The following KITLG variants were observed in gnomAD, a reference collection of about 807,000 sequenced individuals.
The protein encoded by KITLG is KIT ligand.
Under a neutral mutation model 34.1 loss-of-function variants are expected in KITLG, and 13 were observed. The ratio of observed to expected loss-of-function variants is 0.38; its 90% confidence interval spans 0.25 to 0.61. KITLG has a LOEUF of 0.61. Among genes scored for constraint, KITLG ranks in the 20% least tolerant of loss-of-function variants. The pLI, the probability that KITLG is intolerant of heterozygous loss-of-function variation, is 0.60. For missense variants in KITLG, 292 were observed against 318.9 expected (o/e 0.92, Z 0.64); for synonymous variants, 110 against 104.0 (o/e 1.06, Z -0.35).
intron 3 of KITLG, among the ~76,000 whole-genome samples, chr12:88,528,574 T>C (rs1869964981): frequency 6.6e-6 from 1 of 152,192 alleles, no homozygotes; most frequent in South Asian, 2.1e-4. Flanking sequence ...TATTGTAAAA[T>C]GTGTTGAAGT....
At chr12:88,509,297 G>A (rs57817028) in intron 6 of KITLG, among the ~76,000 whole-genome samples, 1 of 152,096 alleles carries the variant, frequency 6.6e-6, no homozygotes, top group Admixed American at 6.5e-5. Context: ...CCAAACCTAA[G>A]TCTTGAAATT....
In KITLG at chr12:88,511,989, A is replaced by G. The variant is rs149802322; in HGVS notation, c.604+3545T>C. On this transcript the variant is annotated intron_variant, in intron 6 of 9. Coordinates refer to ENST00000644744, the MANE Select transcript of KITLG (RefSeq NM_000899.5). ...AGATATTCAACAGCATAGAATTCAT[A>G]ATATCCAGCATATATTAAACAATCA... Among the ~76,000 whole-genome samples, 205 of 152,312 alleles carry G rather than the reference A, an allele frequency of 1.3e-3. 2 individuals are homozygous for G. In the East Asian group the frequency reaches 0.032, roughly 24 times the overall value.
At position 88,516,324 on chromosome 12, in the gene KITLG, C is replaced by T; in HGVS notation, c.520+10G>A. On this transcript the variant is annotated intron_variant, in intron 5 of 9. Transcript: ENST00000644744. ...TTTACATTTGAACTGGAAATGCTTA[C>T]ATGTCTTACCTTTCTCAGGACTTAA... is the stretch of plus-strand genomic sequence containing the variant. 1 of 1,607,882 alleles carries T rather than the reference C, an allele frequency of 6.2e-7. No individual in the cohort carries two copies. Among genetic ancestry groups the T allele is most frequent in the Non-Finnish European group, 8.5e-7 (1 of 1,175,472 alleles).
chr12:88,569,834 G>A (rs544575597), intron 1 of KITLG, among the ~76,000 whole-genome samples: 2 of 152,110 alleles, frequency 1.3e-5, no homozygotes, highest in Non-Finnish European at 2.9e-5. Flanking sequence ...CTGCTGATAA[G>A]GTTGTGCTGA....
At chr12:88,527,078 C>T (rs945011251) in intron 3 of KITLG, among the ~76,000 whole-genome samples, 3 of 151,904 alleles carry the variant, frequency 2.0e-5, no homozygotes, top group Admixed American at 6.6e-5. Context: ...CTGTGTTAAC[C>T]AGGATGGTCT....
intron 1 of KITLG, among the ~76,000 whole-genome samples, chr12:88,555,372 G>A (rs977045602): frequency 1.1e-4 from 17 of 152,176 alleles, no homozygotes; most frequent in African/African-American, 4.1e-4. Flanking sequence ...CTCTGCAGGT[G>A]AGCAAAACAC....
At chr12:88,575,937 C>T (rs997270984) in intron 1 of KITLG, among the ~76,000 whole-genome samples, 9 of 152,056 alleles carry the variant, frequency 5.9e-5, no homozygotes, top group East Asian at 3.8e-4. Flanking sequence ...TGTCACTGCA[C>T]GTTGCCTGGT....
chr12:88,560,731 A>C (rs1052795591), intron 1 of KITLG, among the ~76,000 whole-genome samples: 4 of 152,282 alleles, frequency 2.6e-5, no homozygotes, highest in African/African-American at 7.2e-5. Flanking sequence ...GCACTTTGGG[A>C]GGCTGAGGCG....
chr12:88,554,734 C>G (rs905332367), intron 1 of KITLG, among the ~76,000 whole-genome samples: 4 of 152,222 alleles, frequency 2.6e-5, no homozygotes, highest in African/African-American at 9.6e-5. Flanking sequence ...CTTCTTTTTT[C>G]AGATCTTTTT....
At chr12:88,498,996 C>A (rs921684883) in intron 9 of KITLG, among the ~76,000 whole-genome samples, 10 of 152,164 alleles carry the variant, frequency 6.6e-5, no homozygotes, top group African/African-American at 2.2e-4. Context: ...AGACTGGCAC[C>A]TGTTTTCCCA....
At chr12:88,499,629 A>G (rs754679090) in intron 9 of KITLG, among the ~76,000 whole-genome samples, 9 of 152,108 alleles carry the variant, frequency 5.9e-5, no homozygotes, top group Non-Finnish European at 1.0e-4. Flanking sequence ...GTTAGTTTCA[A>G]TAATATTTAC....
intron 6 of KITLG, among the ~76,000 whole-genome samples, chr12:88,508,816 G>T (rs555226096): frequency 9.9e-4 from 150 of 152,190 alleles, no homozygotes; most frequent in African/African-American, 3.4e-3. Flanking sequence ...ATGGGATTTG[G>T]TATAATTAAA....
chr12:88,560,968 A>C (rs1871278439), intron 1 of KITLG, among the ~76,000 whole-genome samples: 1 of 22,248 alleles, frequency 4.5e-5, no homozygotes, highest in East Asian at 1.9e-3. Flanking sequence ...ACTCTGTCTC[A>C]AAAAAAAAAA....
rs1029173830 is a variant in KITLG, at chr12:88,532,565, T to C, written c.130-62A>G. On this transcript the variant is annotated intron_variant, in intron 2 of 9. Coordinates refer to ENST00000644744, the MANE Select transcript of KITLG (RefSeq NM_000899.5). ...CTTATACATCAATTAATCATATTTG[T>C]AGTGCTTTGGAGAAAAGCACACAAA... The C allele has an allele frequency of 5.2e-6, 6 of 1,147,142 alleles. No individual in the cohort carries two copies. In the East Asian group the frequency reaches 1.4e-4, roughly 27 times the overall value. 71.1% of individuals were successfully genotyped at this position (1,147,142 alleles called of 1,614,324 possible).
At chr12:88,529,242 A>G (rs555514994) in intron 3 of KITLG, among the ~76,000 whole-genome samples, 1 of 152,322 alleles carries the variant, frequency 6.6e-6, no homozygotes, top group South Asian at 2.1e-4. Flanking sequence ...GTTCAAGTGA[A>G]TGAAGGTGTG....
intron 3 of KITLG, among the ~76,000 whole-genome samples, chr12:88,530,194 A>T (rs1450881275): frequency 6.6e-6 from 1 of 152,126 alleles, no homozygotes; most frequent in African/African-American, 2.4e-5. Context: ...GTGGGTCTTT[A>T]TTACCTAGAG....
chr12:88,569,077 A>G (rs186708561), intron 1 of KITLG, among the ~76,000 whole-genome samples: 3 of 152,266 alleles, frequency 2.0e-5, no homozygotes, highest in Admixed American at 1.3e-4. Flanking sequence ...GACTTCACTC[A>G]TATAGGGAAA....
chr12:88,544,533 C>T (rs376929345), intron 2 of KITLG, among the ~76,000 whole-genome samples: 1 of 151,912 alleles, frequency 6.6e-6, no homozygotes, highest in Non-Finnish European at 1.5e-5. Flanking sequence ...AGTACTCCCC[C>T]CTCACCCCCA....
chr12:88,528,822 AAT>A (rs1444463716), intron 3 of KITLG, among the ~76,000 whole-genome samples: 2 of 152,226 alleles, frequency 1.3e-5, no homozygotes, highest in Non-Finnish European at 2.9e-5. Flanking sequence ...GTGTTCTTTA[AAT>A]ATTCTTGCAA....
Sources: gnomAD v4.1 joint callset for allele counts (sites outside exome capture counted in the v4.1 genomes callset) on GRCh38, gnomAD v4.1.1 for gene constraint, MANE v1.5 for transcripts, NCBI Gene and HGNC (gene_info 2026-07-23, HGNC 2026-07-21) for gene names.